RBM33: variants seen among roughly 807,000 people sequenced by gnomAD.
RBM33 encodes RNA-binding protein 33.
Under a neutral mutation model 132.6 loss-of-function variants are expected in RBM33, and 28 were observed. The observed-to-expected ratio is 0.21, with a 90% CI of 0.16 to 0.29. RBM33 has a LOEUF of 0.29. Ranked by LOEUF, RBM33 falls within the 10% of genes least tolerant of loss-of-function variation. RBM33 has a pLI of 1.00. For missense variants in RBM33, 1,291 were observed against 1,518.5 expected (o/e 0.85, Z 2.49); for synonymous variants, 634 against 593.0 (o/e 1.07, Z -1.01).
chr7:155,654,272 T>C (rs7809980), intron 1 of RBM33, among the ~76,000 whole-genome samples: 96,818 of 152,016 alleles, frequency 0.64, 31,921 homozygotes, highest in South Asian at 0.76. Context: ...TTCTGGTTCA[T>C]GCATTTGTCT....
At position 155,706,451 on chromosome 7, in the gene RBM33, G is replaced by A. The variant is rs143846623; in HGVS notation, c.740-409G>A. ...GGAGGTTGCAGCGAGCAGAGATCAC[G>A]CCACTGTGCTCTAGCCAGGGCAACA... On this transcript the variant is annotated intron_variant, in intron 6 of 17. Coordinates refer to ENST00000401878, the MANE Select transcript of RBM33 (RefSeq NM_053043.3). Among the ~76,000 whole-genome samples, 1,113 of 152,054 alleles carry A rather than the reference G, an allele frequency of 7.3e-3. 17 individuals carry two copies. The highest frequency in any genetic ancestry group is 0.025 in the African/African-American group (1,047 of 41,452).
intron 9 of RBM33, among the ~76,000 whole-genome samples, chr7:155,719,633 A>G (rs1472497394): frequency 6.6e-6 from 1 of 152,200 alleles, no homozygotes; most frequent in African/African-American, 2.4e-5. Flanking sequence ...TAAAAAGTCA[A>G]GTTTTATTAG....
intron 1 of RBM33, among the ~76,000 whole-genome samples, chr7:155,664,854 T>C (rs1798757603): frequency 6.6e-6 from 1 of 152,106 alleles, no homozygotes; most frequent in Admixed American, 6.6e-5. Context: ...TTTTTTTTCT[T>C]TCATGCAGTA....
chr7:155,755,209 A>G (rs1257910712), intron 14 of RBM33, among the ~76,000 whole-genome samples: 1 of 152,236 alleles, frequency 6.6e-6, no homozygotes, highest in Non-Finnish European at 1.5e-5. Flanking sequence ...CTGTAAGATC[A>G]GCAACATTGG....
intron 5 of RBM33, among the ~76,000 whole-genome samples, chr7:155,694,539 C>T (rs1346695476): frequency 6.6e-6 from 1 of 152,162 alleles, no homozygotes; most frequent in Non-Finnish European, 1.5e-5. Flanking sequence ...AAGTTACCAT[C>T]CCTTGGTTGA....
intron 9 of RBM33, among the ~76,000 whole-genome samples, chr7:155,724,990 T>TGTGTGTGTG (rs1800742260): frequency 8.1e-6 from 1 of 123,290 alleles, no homozygotes; most frequent in Non-Finnish European, 1.7e-5. Context: ...GTGTACAGGT[T>TGTGTGTGTG]TGTGTGTGTG....
At chr7:155,695,671 A>C (rs1331148628) in intron 5 of RBM33, among the ~76,000 whole-genome samples, 2 of 152,068 alleles carry the variant, frequency 1.3e-5, no homozygotes, top group Non-Finnish European at 2.9e-5. Flanking sequence ...ACGTTGGCCA[A>C]GCTGGTCTTG....
chr7:155,760,712 G>C (rs1189765264), intron 14 of RBM33, among the ~76,000 whole-genome samples: 1 of 152,154 alleles, frequency 6.6e-6, no homozygotes, highest in African/African-American at 2.4e-5. Context: ...AAAATTTCAA[G>C]CATGTATAAA....
chr7:155,753,749 C>T (rs1801758850), intron 14 of RBM33, among the ~76,000 whole-genome samples: 1 of 152,156 alleles, frequency 6.6e-6, no homozygotes, highest in African/African-American at 2.4e-5. Flanking sequence ...CATTCAGGTG[C>T]TTGGGGCAGG....
chr7:155,741,836 T>C lies in RBM33; in HGVS notation c.2067T>C (p.Asn689=). ...QGLRHNTTSQ[N]VSKRPMQQMQ... ...GTGAAAAGAATACAACTTCTCAGAA[T>C]GTAAGCAAGCGGCCCATGCAGCAAA... is the stretch of plus-strand genomic sequence containing the variant. The change falls in exon 13 of 18, where the codon AAT becomes AAC. Residue 689 remains asparagine, a synonymous_variant. Coordinates refer to ENST00000401878, the MANE Select transcript of RBM33 (RefSeq NM_053043.3). The C allele has an allele frequency of 1.9e-6, 3 of 1,611,430 alleles. No homozygotes were observed. The highest frequency in any genetic ancestry group is 2.5e-6 in the Non-Finnish European group (3 of 1,177,666).
intron 1 of RBM33, among the ~76,000 whole-genome samples, chr7:155,646,088 A>T (rs1798181189): frequency 2.6e-5 from 4 of 152,334 alleles, no homozygotes; most frequent in African/African-American, 7.2e-5. Context: ...CTTGTTTTAT[A>T]GCATTCCCAG....
At chr7:155,701,285 G>T in intron 6 of RBM33, 1 of 410,680 alleles carries the variant, frequency 2.4e-6, no homozygotes, top group Middle Eastern at 6.5e-4. Flanking sequence ...GGGCCAGGTT[G>T]ACCCTTCCCA....
intron 2 of RBM33, among the ~76,000 whole-genome samples, chr7:155,671,916 G>C (rs1416526781): frequency 1.3e-5 from 2 of 152,042 alleles, no homozygotes; most frequent in African/African-American, 4.8e-5. Context: ...AATGTCTTCA[G>C]CTTTTTTATT....
intron 7 of RBM33, among the ~76,000 whole-genome samples, chr7:155,710,502 C>T (rs1800250439): frequency 6.6e-6 from 1 of 152,208 alleles, no homozygotes; most frequent in African/African-American, 2.4e-5. Flanking sequence ...TAACCACCCT[C>T]GAATTGAGAT....
intron 12 of RBM33, 23 bp downstream of exon 12, chr7:155,740,049 C>A: frequency 6.7e-7 from 1 of 1,494,316 alleles, no homozygotes. Flanking sequence ...GGGTGTCTTC[C>A]CTGTGTCTTC....
At chr7:155,655,508 T>G (rs1798467141) in intron 1 of RBM33, among the ~76,000 whole-genome samples, 3 of 149,816 alleles carry the variant, frequency 2.0e-5, no homozygotes, top group Admixed American at 2.0e-4. Flanking sequence ...TCAGACTATT[T>G]TCATAACGGT....
At chr7:155,714,313 G>A (rs796178573) in intron 8 of RBM33, among the ~76,000 whole-genome samples, 23 of 152,298 alleles carry the variant, frequency 1.5e-4, no homozygotes, top group African/African-American at 5.3e-4. Flanking sequence ...GGGAGGAGAA[G>A]ACACCAGGGA....
chr7:155,678,182 A>G (rs1204290187), intron 3 of RBM33, among the ~76,000 whole-genome samples: 4 of 152,220 alleles, frequency 2.6e-5, no homozygotes, highest in African/African-American at 9.7e-5. Context: ...AGTTATTTAA[A>G]TCTTATTTCT....
At chr7:155,702,964 G>C (rs1221849908) in intron 6 of RBM33, among the ~76,000 whole-genome samples, 2 of 152,172 alleles carry the variant, frequency 1.3e-5, no homozygotes, top group Non-Finnish European at 2.9e-5. Context: ...CTCCCTGTGG[G>C]CTGGCTGTGG....
Sources: gnomAD v4.1 joint callset for allele counts (sites outside exome capture counted in the v4.1 genomes callset) on GRCh38, gnomAD v4.1.1 for gene constraint, MANE v1.5 for transcripts, NCBI Gene and HGNC (gene_info 2026-07-23, HGNC 2026-07-21) for gene names.